Variants in KCNMA1 observed in about 807,000 individuals in gnomAD.
KCNMA1 encodes Calcium-activated potassium channel subunit alpha-1.
KCNMA1 carries 29 observed loss-of-function variants against 140.0 expected under a neutral mutation model. The ratio of observed to expected loss-of-function variants is 0.21; its 90% CI spans 0.15 to 0.28. The LOEUF is 0.28. Ranked by LOEUF, KCNMA1 falls within the 10% of genes least tolerant of loss-of-function variation. The pLI, the probability that KCNMA1 is intolerant of heterozygous loss-of-function variation, is 1.00. For synonymous variants in KCNMA1, 612 were observed against 611.9 expected (o/e 1.00, Z 0.00); for missense variants, 880 against 1,602.2 (o/e 0.55, Z 7.70).
intron 19 of KCNMA1, among the ~76,000 whole-genome samples, chr10:76,997,878 A>T (rs1013240792): frequency 1.3e-5 from 2 of 152,128 alleles, no homozygotes. Context: ...ATAAAATGAC[A>T]CTCTATGCAC....
chr10:77,166,005 C>A (rs1180276226), intron 5 of KCNMA1, among the ~76,000 whole-genome samples: 1 of 152,038 alleles, frequency 6.6e-6, no homozygotes. Flanking sequence ...GGAGTCTCTG[C>A]GGGCTATGGG....
At chr10:77,301,705 G>A (rs1370596710) in intron 2 of KCNMA1, among the ~76,000 whole-genome samples, 3 of 151,774 alleles carry the variant, frequency 2.0e-5, no homozygotes, top group Admixed American at 1.3e-4. Flanking sequence ...TTGACGCCCC[G>A]GAGGTGGGTA....
chr10:77,378,907 G>T lies in KCNMA1; in HGVS notation c.540+24955C>A, dbSNP rs2095283198. Reference sequence around the variant, plus strand: ...GACTTGTGTAATATTGTAAATGACTGCTCTTCACCCCATCCTCTGATTCAA... The same window carrying T: ...GACTTGTGTAATATTGTAAATGACTTCTCTTCACCCCATCCTCTGATTCAA... On this transcript the variant is annotated intron_variant, in intron 2 of 27. Coordinates refer to ENST00000286628, the MANE Select transcript of KCNMA1 (RefSeq NM_001161352.2). 8.5e-5 allele frequency among the ~76,000 whole-genome samples: 13 copies of T among 152,130 alleles called. 1 individual carries two copies. In the South Asian group the frequency reaches 2.7e-3, roughly 32 times the overall value.
At chr10:76,997,057 T>C (rs12243061) in intron 19 of KCNMA1, among the ~76,000 whole-genome samples, 52,056 of 152,080 alleles carry the variant, frequency 0.34, 9,252 homozygotes, top group East Asian at 0.56. Context: ...AAAATGCCAT[T>C]AGTTCACTTA....
chr10:76,958,089 G>A (rs2069135516), intron 20 of KCNMA1, among the ~76,000 whole-genome samples: 1 of 152,184 alleles, frequency 6.6e-6, no homozygotes, highest in Non-Finnish European at 1.5e-5. Context: ...TTGCCATTGA[G>A]CACACCAATC....
chr10:77,435,838 CAG>C (rs931323645), intron 1 of KCNMA1, among the ~76,000 whole-genome samples: 1 of 152,110 alleles, frequency 6.6e-6, no homozygotes, highest in Non-Finnish European at 1.5e-5. Context: ...GACAGAAAAG[CAG>C]AGAGAGAGGA....
intron 5 of KCNMA1, among the ~76,000 whole-genome samples, chr10:77,132,215 A>C (rs928029386): frequency 6.6e-6 from 1 of 152,188 alleles, no homozygotes; most frequent in African/African-American, 2.4e-5. Flanking sequence ...AAAATTTTGA[A>C]CATCAAAATC....
chr10:76,887,123 G>A lies in KCNMA1; in HGVS notation c.*143C>T. 1.3e-6 allele frequency: 2 copies of A among 1,592,646 alleles called. No homozygotes were observed. The highest frequency in any genetic ancestry group is 2.2e-5 in the South Asian group (2 of 89,638). On this transcript the variant is annotated 3_prime_UTR_variant, in exon 28 of 28. Transcript: ENST00000286628. Reference sequence around the variant, plus strand: ...GGTGAAATAAAAATGACAACCACATGCACACTATCATACATATGCAAATAT... The same window carrying A: ...GGTGAAATAAAAATGACAACCACATACACACTATCATACATATGCAAATAT...
At chr10:77,282,892 A>C (rs2069192017) in intron 2 of KCNMA1, among the ~76,000 whole-genome samples, 1 of 152,126 alleles carries the variant, frequency 6.6e-6, no homozygotes, top group Non-Finnish European at 1.5e-5. Context: ...CTTTTGACAT[A>C]AAAAAACAAA....
At chr10:77,618,099 T>G (rs1213821685) in intron 1 of KCNMA1, among the ~76,000 whole-genome samples, 1 of 152,052 alleles carries the variant, frequency 6.6e-6, no homozygotes, top group East Asian at 1.9e-4. Flanking sequence ...TCCCCTATCA[T>G]CCGGACAGAT....
intron 3 of KCNMA1, among the ~76,000 whole-genome samples, chr10:77,214,023 T>C (rs1057118265): frequency 6.6e-6 from 1 of 152,210 alleles, no homozygotes; most frequent in East Asian, 1.9e-4. Context: ...TCCACCATTG[T>C]CATCACCCCT....
At chr10:77,071,494 G>A (rs2096211031) in intron 14 of KCNMA1, 2 of 152,130 alleles carry the variant, frequency 1.3e-5, no homozygotes, top group South Asian at 4.1e-4. Flanking sequence ...CCTGAGTCTG[G>A]GCTTTTCATG....
intron 3 of KCNMA1, among the ~76,000 whole-genome samples, chr10:77,193,954 T>G (rs764088505): frequency 2.0e-5 from 3 of 152,180 alleles, no homozygotes; most frequent in Non-Finnish European, 4.4e-5. Context: ...ACATTCTGCT[T>G]CCTATGCCTT....
chr10:77,590,871 G>C (rs912226940), intron 1 of KCNMA1, among the ~76,000 whole-genome samples: 1 of 152,188 alleles, frequency 6.6e-6, no homozygotes, highest in Non-Finnish European at 1.5e-5. Context: ...ACACTCTAGC[G>C]AGACTCAAAT....
chr10:77,306,542 AC>A (rs1459355026), intron 2 of KCNMA1, among the ~76,000 whole-genome samples: 2 of 152,272 alleles, frequency 1.3e-5, no homozygotes, highest in African/African-American at 4.8e-5. Flanking sequence ...GGGTCAGACA[AC>A]ACATATAGGA....
intron 1 of KCNMA1, among the ~76,000 whole-genome samples, chr10:77,553,622 A>C (rs1247817867): frequency 6.6e-6 from 1 of 152,206 alleles, no homozygotes; most frequent in Non-Finnish European, 1.5e-5. Context: ...GCTATGTCTC[A>C]GGGGCATCCC....
At chr10:77,458,016 G>A (rs935004849) in intron 1 of KCNMA1, among the ~76,000 whole-genome samples, 1 of 152,312 alleles carries the variant, frequency 6.6e-6, no homozygotes, top group Non-Finnish European at 1.5e-5. Flanking sequence ...ACGGCAGCCC[G>A]AGTGAATATT....
At chr10:77,027,947 T>C (rs1051515019) in intron 15 of KCNMA1, 56 bp from the exon 16 acceptor site, 2 of 1,394,148 alleles carry the variant, frequency 1.4e-6, no homozygotes, top group Non-Finnish European at 2.0e-6. Context: ...CAGAGCCACA[T>C]AACACACACT....
downstream of KCNMA1, chr10:76,884,842 C>A (rs954880561): frequency 1.6e-6 from 2 of 1,216,470 alleles, no homozygotes; most frequent in Non-Finnish European, 1.1e-6. Flanking sequence ...ACAAACAGAA[C>A]AATATAAATA....
Sources: allele counts gnomAD v4.1 joint callset (sites outside exome capture counted in the v4.1 genomes callset), GRCh38; gene constraint gnomAD v4.1.1; transcripts MANE v1.5; gene names NCBI Gene and HGNC (gene_info 2026-07-23, HGNC 2026-07-21).